Variants in DAPK2 observed in about 807,000 individuals in gnomAD.
DAPK2 encodes death-associated protein kinase 2.
DAPK2 carries 35 observed loss-of-function variants against 44.1 expected under a neutral mutation model. The ratio of observed to expected loss-of-function variants is 0.79; its 90% confidence interval spans 0.61 to 1.05. The LOEUF (loss-of-function observed/expected upper bound fraction) is 1.05, where lower values mean the gene tolerates loss of function less well. Ranked by LOEUF, DAPK2 falls within the 50% of genes least tolerant of loss-of-function variation. The pLI, the probability that DAPK2 is intolerant of heterozygous loss-of-function variation, is 0.00. For synonymous variants in DAPK2, 174 were observed against 182.6 expected, an observed-to-expected ratio of 0.95 and a Z score of 0.38; for missense variants, 453 against 483.2, an observed-to-expected ratio of 0.94 and a Z score of 0.59.
chr15:63,971,275 C>T, intron 3 of DAPK2, 148 bp downstream of exon 4: 1 of 987,172 alleles, frequency 1.0e-6, no homozygotes, highest in Non-Finnish European at 1.5e-6. Flanking sequence ...ATTTCCGTGG[C>T]ATCATCTTTC....
At chr15:64,015,133 C>T (rs1294839179) in intron 1 of DAPK2, among the ~76,000 whole-genome samples, 1 of 152,028 alleles carries the variant, frequency 6.6e-6, no homozygotes, top group Non-Finnish European at 1.5e-5. Flanking sequence ...GAAAGGGTAC[C>T]GTGTGGTCAG....
rs540730616 is a variant in DAPK2 at position 64,046,159 on chromosome 15, G to T, written c.-7+139C>A. On this transcript the variant is annotated intron_variant, in intron 1 of 11. Transcript: ENST00000457488. The surrounding 1 kb of genome is among the most constrained non-coding windows in gnomAD (Gnocchi z 5.3). ...CACAATGCCCCGGGCCACGGCGTCA[G>T]GCATTGGGGCGGCGGGCCCGGGATC... 9.0e-3 allele frequency: 2,179 copies of T among 243,012 alleles called. 21 individuals carry two copies. The highest frequency in any genetic ancestry group is 0.014 in the Admixed American group (212 of 15,380). The allele number at this position is 243,012 out of a possible 1,614,324, so 15.1% of individuals were successfully genotyped here. A position where few individuals can be genotyped will look rare whatever the true frequency, so the allele number is the denominator to read the frequency against.
upstream of DAPK2, among the ~76,000 whole-genome samples, chr15:64,042,212 AC>A (rs2141223364): frequency 6.6e-6 from 1 of 152,244 alleles, no homozygotes; most frequent in African/African-American, 2.4e-5. This position sits in a 1 kb window ranked among gnomAD's most constrained non-coding sequence, Gnocchi z 4.7. Context: ...CTGTGATTTA[AC>A]CCATGCCAGG....
At chr15:63,933,212 AC>A (rs1182644168) in intron 4 of DAPK2, among the ~76,000 whole-genome samples, 1 of 151,958 alleles carries the variant, frequency 6.6e-6, no homozygotes, top group African/African-American at 2.4e-5. Context: ...TGACATCCAA[AC>A]TGTGGTCATT....
At chr15:63,965,150 C>T (rs1204554591) in intron 3 of DAPK2, among the ~76,000 whole-genome samples, 1 of 152,182 alleles carries the variant, frequency 6.6e-6, no homozygotes, top group Non-Finnish European at 1.5e-5. Flanking sequence ...TTGGTCACTC[C>T]AGCCAAATCT....
Position 63,976,780 on chromosome 15 carries a change from T to C in DAPK2, c.315-5219A>G, listed in dbSNP as rs535747416. On this transcript the variant is annotated intron_variant, in intron 2 of 10. Transcript: ENST00000261891. ...CACACTGGATTTTGAAGACTTAGTT[T>C]GAAAAATAGAATGTAAAATATCTCA... 2.7e-4 allele frequency among the ~76,000 whole-genome samples: 41 copies of C among 152,372 alleles called. No homozygotes were observed. In the South Asian group the frequency reaches 7.0e-3, roughly 26 times the overall value.
At chr15:63,914,733 T>C (rs1197136986) in intron 8 of DAPK2, among the ~76,000 whole-genome samples, 2 of 152,222 alleles carry the variant, frequency 1.3e-5, no homozygotes, top group Admixed American at 1.3e-4. Flanking sequence ...TGCTGGTCTG[T>C]GAATCCAAAG....
chr15:64,034,037 C>T (rs2141167017), intron 1 of DAPK2, among the ~76,000 whole-genome samples: 1 of 152,162 alleles, frequency 6.6e-6, no homozygotes, highest in East Asian at 1.9e-4. Context: ...TGACATTCAC[C>T]TCGAATAACT....
At chr15:64,019,886 G>A (rs764278499) in intron 1 of DAPK2, among the ~76,000 whole-genome samples, 5 of 152,186 alleles carry the variant, frequency 3.3e-5, no homozygotes, top group Non-Finnish European at 5.9e-5. Context: ...AGAGGTTGGT[G>A]AACTTCTATC....
intron 1 of DAPK2, among the ~76,000 whole-genome samples, chr15:64,003,010 G>GTGTGTGTGTGTGTGTGTGTGTGTGTT (rs1314879276): frequency 2.1e-5 from 3 of 140,566 alleles, no homozygotes; most frequent in South Asian, 2.9e-4. Flanking sequence ...GTGTGTGTGT[G>GTGTGTGTGTGTGTGTGTGTGTGTGTT]TGTGTCGTGG....
intron 1 of DAPK2, among the ~76,000 whole-genome samples, chr15:63,987,459 A>T (rs2078697214): frequency 1.3e-5 from 2 of 152,228 alleles, no homozygotes; most frequent in Non-Finnish European, 2.9e-5. Context: ...TAAATCAAAA[A>T]TGATGGGAAT....
intron 1 of DAPK2, among the ~76,000 whole-genome samples, chr15:63,996,873 C>A (rs1041745508): frequency 6.6e-6 from 1 of 152,144 alleles, no homozygotes; most frequent in Admixed American, 6.5e-5. Context: ...AATGGTGCCA[C>A]CCCCATCCCC....
exon 7 of DAPK2, chr15:63,925,958 A>C: frequency 6.2e-7 from 1 of 1,614,102 alleles, no homozygotes; most frequent in Non-Finnish European, 8.5e-7. Context: ...CTTTAACCAG[A>C]AGCTTCCGAA....
At chr15:63,983,397 C>T in intron 2 of DAPK2, 136 bp downstream of exon 3, 1 of 725,148 alleles carries the variant, frequency 1.4e-6, no homozygotes, top group Non-Finnish European at 2.3e-6. Flanking sequence ...GGGATCTGCC[C>T]ACCACTGACT....
At chr15:63,927,767 G>T (rs545517761) in intron 6 of DAPK2, among the ~76,000 whole-genome samples, 1 of 150,746 alleles carries the variant, frequency 6.6e-6, no homozygotes, top group African/African-American at 2.4e-5. Flanking sequence ...TTGAGACAGG[G>T]TCTTGCTCTG....
chr15:63,951,900 C>T (rs1249201800), intron 3 of DAPK2, among the ~76,000 whole-genome samples: 1 of 152,174 alleles, frequency 6.6e-6, no homozygotes, highest in East Asian at 1.9e-4. Flanking sequence ...ATGTGTTGGG[C>T]ACTAGGTAGC....
chr15:63,956,616 G>A lies in DAPK2; in HGVS notation c.453+14807C>T, dbSNP rs60658099. Among the ~76,000 whole-genome samples the A allele has an allele frequency of 8.1e-4, 121 of 149,864 alleles. No individual in the cohort carries two copies. The East Asian group carries it at 0.015, about 18-fold the overall frequency. ...TTTTTTTTTTTTTTTAGATGGAGTC[G>A]CACTCCGTCGCCCAGGCTGGAGTGC... On this transcript the variant is annotated intron_variant, in intron 3 of 10. Coordinates refer to ENST00000261891, the Ensembl canonical transcript of DAPK2.
Position 63,939,260 on chromosome 15 carries a change from C to A in DAPK2, c.555G>T (p.Lys185Asn). 6.2e-7 allele frequency: 1 copy of A among 1,613,942 alleles called. No homozygotes were observed. Among genetic ancestry groups the A allele is most frequent in the Non-Finnish European group, 8.5e-7 (1 of 1,179,990 alleles). Reference sequence around the variant, plus strand: ...CAAATTCCGGCGTCCCAAAAATATTCTTAAATTCAACTCCATCTTCTATTT... The same window carrying A: ...CAAATTCCGGCGTCCCAAAAATATTATTAAATTCAACTCCATCTTCTATTT... Residue 185 changes from lysine (K) to asparagine (N), a missense_variant, in exon 4 of 11, where the codon AAG becomes AAT. Physicochemically the swap from Lys to Asn is moderately conservative, Grantham distance 94. Transcript: ENST00000261891. This position sits in a 1 kb window ranked among gnomAD's most constrained non-coding sequence, Gnocchi z 4.3.
At chr15:64,025,559 C>G (rs1433800158) in intron 1 of DAPK2, among the ~76,000 whole-genome samples, 3 of 152,196 alleles carry the variant, frequency 2.0e-5, no homozygotes, top group African/African-American at 7.2e-5. Context: ...CACCCCAATT[C>G]CATCATAAAT....
Sources: allele counts gnomAD v4.1 joint callset (sites outside exome capture counted in the v4.1 genomes callset), GRCh38; gene constraint gnomAD v4.1.1; non-coding constraint Gnocchi (gnomAD v3.1); transcripts MANE v1.5; gene names NCBI Gene and HGNC (gene_info 2026-07-23, HGNC 2026-07-21).